GMDS: variants seen among roughly 807,000 people sequenced by gnomAD.
The protein encoded by GMDS is GDP-mannose 4,6 dehydratase.
In GMDS, 20 loss-of-function variants were observed where a neutral mutation model predicts 49.9. The observed-to-expected ratio is 0.40, with a 90% CI of 0.28 to 0.58. The LOEUF (loss-of-function observed/expected upper bound fraction) is 0.58. Among genes scored for constraint, GMDS ranks in the 20% least tolerant of loss-of-function variants. The pLI is 0.42. For synonymous variants in GMDS, 177 were observed against 178.6 expected (o/e 0.99, Z 0.07); for missense variants, 362 against 481.4 (o/e 0.75, Z 2.32).
At chr6:1,875,125 A>C (rs1182313077) in intron 7 of GMDS, among the ~76,000 whole-genome samples, 1 of 152,114 alleles carries the variant, frequency 6.6e-6, no homozygotes, top group Non-Finnish European at 1.5e-5. Flanking sequence ...GGGTATATAA[A>C]ATTCAAAATA....
In GMDS at chr6:2,193,518, C is replaced by T. The variant is rs76187370; in HGVS notation, c.102+51803G>A. The stretch of plus-strand genomic sequence containing the variant: ...GCAGCAGGGTCTCCACATCTGAATA[C>T]TGAGATGCAAGTTCTCCTGGCAAAC... On this transcript the variant is annotated intron_variant, in intron 1 of 10. Coordinates refer to ENST00000380815, the MANE Select transcript of GMDS (RefSeq NM_001500.4). Among the ~76,000 whole-genome samples the T allele has an allele frequency of 6.9e-3, 1,058 of 152,314 alleles. 13 individuals are homozygous for T. The highest frequency in any genetic ancestry group is 0.024 in the African/African-American group (993 of 41,558).
intron 9 of GMDS, among the ~76,000 whole-genome samples, chr6:1,637,908 C>G (rs1763214471): frequency 1.3e-5 from 2 of 152,194 alleles, no homozygotes; most frequent in South Asian, 4.1e-4. Context: ...GAGGTGGATC[C>G]TGGATTCAAA....
chr6:1,798,664 A>G (rs1275822353), intron 7 of GMDS, among the ~76,000 whole-genome samples: 2 of 152,146 alleles, frequency 1.3e-5, no homozygotes, highest in Non-Finnish European at 2.9e-5. Flanking sequence ...CTCTTGGCGT[A>G]TTACTTGTTT....
chr6:1,794,516 A>T (rs2113643335), intron 7 of GMDS, among the ~76,000 whole-genome samples: 1 of 152,332 alleles, frequency 6.6e-6, no homozygotes, highest in East Asian at 1.9e-4. Flanking sequence ...TCTGAGGTCA[A>T]ATCTGGTACT....
chr6:1,624,532 C>A lies in GMDS; in HGVS notation c.996G>T (p.Leu332=), dbSNP rs200575353. 1 of 1,613,390 alleles carries A rather than the reference C, an allele frequency of 6.2e-7. No homozygotes were observed. Among genetic ancestry groups the A allele is most frequent in the Admixed American group, 1.7e-5 (1 of 60,022 alleles). Residue 332 remains leucine (L), a synonymous_variant, in exon 10 of 11, where the codon CTG becomes CTT. Coordinates refer to ENST00000380815, the MANE Select transcript of GMDS (RefSeq NM_001500.4). ...KYYRPTEVDF[L]QGDCTKAKQK... The stretch of plus-strand genomic sequence containing the variant: ...GTTTCGCTTTGGTGCAGTCGCCCTG[C>A]AGAAAGTCCTAGGGAAGAAGAGGGG...
intron 4 of GMDS, among the ~76,000 whole-genome samples, chr6:2,032,045 C>T (rs1475284469): frequency 1.3e-5 from 2 of 152,108 alleles, no homozygotes; most frequent in African/African-American, 4.8e-5. Flanking sequence ...AAAATGGGCA[C>T]ACACAAAGAT....
chr6:1,687,929 C>T (rs1409732750), intron 9 of GMDS, among the ~76,000 whole-genome samples: 6 of 152,104 alleles, frequency 3.9e-5, no homozygotes, highest in Non-Finnish European at 7.4e-5. Context: ...TGGAATTCCA[C>T]TGAGAGAGCT....
chr6:1,820,213 T>G (rs1210833880), intron 7 of GMDS, among the ~76,000 whole-genome samples: 1 of 152,212 alleles, frequency 6.6e-6, no homozygotes, highest in Non-Finnish European at 1.5e-5. Context: ...CTGCTACTCA[T>G]GTGTTACTGA....
intron 6 of GMDS, chr6:1,930,594 C>T (rs1044034183): frequency 3.0e-5 from 5 of 168,810 alleles, no homozygotes; most frequent in Non-Finnish European, 2.5e-5. Context: ...AAGGGAAATG[C>T]CAGAATGGAC....
intron 7 of GMDS, among the ~76,000 whole-genome samples, chr6:1,830,224 T>G (rs907611646): frequency 6.6e-6 from 1 of 152,188 alleles, no homozygotes; most frequent in Non-Finnish European, 1.5e-5. Context: ...GCAGATAAAA[T>G]TCTATTCACT....
intron 1 of GMDS, among the ~76,000 whole-genome samples, chr6:2,136,416 G>A (rs1776003205): frequency 6.6e-6 from 1 of 152,118 alleles, no homozygotes; most frequent in South Asian, 2.1e-4. Context: ...GTTCACTTTT[G>A]TTTAAAAGAA....
At chr6:1,887,367 A>T (rs748589893) in intron 7 of GMDS, among the ~76,000 whole-genome samples, 200 of 152,270 alleles carry the variant, frequency 1.3e-3, no homozygotes, top group Non-Finnish European at 2.5e-3. Flanking sequence ...AACACTTTAC[A>T]AAACTGCAAG....
In GMDS at chr6:1,640,789, C is replaced by T. The variant is rs1763305486; in HGVS notation, c.988-16249G>A. Among the ~76,000 whole-genome samples, 1 of 151,614 alleles carries T rather than the reference C, an allele frequency of 6.6e-6. No individual in the cohort carries two copies. Among genetic ancestry groups the T allele is most frequent in the South Asian group, 2.1e-4 (1 of 4,810 alleles). The stretch of plus-strand genomic sequence containing the variant: ...AGGAAACAATCAGGTGGTTACAAGG[C>T]CTCTGATAAAAAGAAAATTGGGTAA... On this transcript the variant is annotated intron_variant, in intron 9 of 10. Transcript: ENST00000380815. This position sits in a 1 kb window ranked among gnomAD's most constrained non-coding sequence, Gnocchi z 4.0.
rs546857006 is a variant in GMDS, at chr6:1,778,937, C to T, written c.772-36351G>A. 5.9e-5 allele frequency among the ~76,000 whole-genome samples: 9 copies of T among 152,226 alleles called. No individual in the cohort carries two copies. The highest frequency in any genetic ancestry group is 2.0e-4 in the Admixed American group (3 of 15,296). On this transcript the variant is annotated intron_variant, in intron 7 of 10. Coordinates refer to ENST00000380815, the MANE Select transcript of GMDS (RefSeq NM_001500.4). The surrounding 1 kb of genome is among the most constrained non-coding windows in gnomAD (Gnocchi z 4.6). ...CCTCCTGGTTCAGGTTTCTTATTGC[C>T]GTGTCTGGCCCTTCAAAGGCCTACC...
intron 7 of GMDS, among the ~76,000 whole-genome samples, chr6:1,824,364 A>G (rs1771020859): frequency 6.6e-6 from 1 of 152,010 alleles, no homozygotes; most frequent in Non-Finnish European, 1.5e-5. Context: ...CACTTTCTAC[A>G]ACATCATTCT....
chr6:2,194,725 T>C (rs1779208505), intron 1 of GMDS, among the ~76,000 whole-genome samples: 1 of 152,244 alleles, frequency 6.6e-6, no homozygotes, highest in African/African-American at 2.4e-5. Flanking sequence ...TCCACACGTG[T>C]CACACACAGT....
intron 4 of GMDS, among the ~76,000 whole-genome samples, chr6:2,022,100 G>A (rs1472317053): frequency 6.6e-6 from 1 of 152,120 alleles, no homozygotes; most frequent in Non-Finnish European, 1.5e-5. Flanking sequence ...AGGCAACAGG[G>A]TATGGAAAGA....
At chr6:1,772,621 C>G (rs1368031816) in intron 7 of GMDS, among the ~76,000 whole-genome samples, 1 of 152,202 alleles carries the variant, frequency 6.6e-6, no homozygotes, top group East Asian at 1.9e-4. Flanking sequence ...ATTATCTAGA[C>G]TAGCAAAGCA....
At chr6:2,052,143 A>AAAAAAAAAAAAAAAAC (rs1770453878) in intron 4 of GMDS, among the ~76,000 whole-genome samples, 1 of 148,930 alleles carries the variant, frequency 6.7e-6, no homozygotes, top group Non-Finnish European at 1.5e-5. Flanking sequence ...AAAAAAAAAA[A>AAAAAAAAAAAAAAAAC]CAGAAAAGAA....
Sources: allele counts gnomAD v4.1 joint callset (sites outside exome capture counted in the v4.1 genomes callset), GRCh38; gene constraint gnomAD v4.1.1; non-coding constraint Gnocchi (gnomAD v3.1); transcripts MANE v1.5; gene names NCBI Gene and HGNC (gene_info 2026-07-23, HGNC 2026-07-21).